Variants in C10orf90 observed in about 807,000 individuals in gnomAD.
C10orf90 encodes (E2-independent) E3 ubiquitin-conjugating enzyme FATS.
Under a neutral mutation model 62.5 loss-of-function variants are expected in C10orf90, and 56 were observed. That is an observed-to-expected ratio of 0.90 (90% CI 0.72 to 1.12). C10orf90 has a LOEUF of 1.12. C10orf90 is among the 50% of genes most tolerant of loss of function. The probability of loss-of-function intolerance (pLI) is 0.00; values close to 1 mark genes in which losing one functional copy is unlikely to be tolerated. For missense variants in C10orf90, 970 were observed against 880.4 expected (o/e 1.10, Z -1.29); for synonymous variants, 386 against 340.4 (o/e 1.13, Z -1.47).
chr10:126,441,193 A>G (rs1268662211), intron 7 of C10orf90, among the ~76,000 whole-genome samples: 1 of 152,206 alleles, frequency 6.6e-6, no homozygotes, highest in Non-Finnish European at 1.5e-5. Context: ...AGAAAAAACA[A>G]TCAACACTTC....
intron 4 of C10orf90, among the ~76,000 whole-genome samples, chr10:126,497,576 A>T (rs1161615794): frequency 1.3e-5 from 2 of 152,278 alleles, no homozygotes; most frequent in South Asian, 2.1e-4. Flanking sequence ...TCACAAGATG[A>T]TCTTGTCCAC....
At chr10:126,432,805 C>A (rs1857667193) in intron 7 of C10orf90, among the ~76,000 whole-genome samples, 1 of 152,220 alleles carries the variant, frequency 6.6e-6, no homozygotes, top group African/African-American at 2.4e-5. Flanking sequence ...GGAATCTCAA[C>A]CAAAGTCTCC....
chr10:126,467,858 C>T (rs979424733), intron 4 of C10orf90, among the ~76,000 whole-genome samples: 20 of 152,082 alleles, frequency 1.3e-4, no homozygotes, highest in Admixed American at 6.5e-4. Flanking sequence ...AACAGAGCAC[C>T]CACAAAGTTA....
chr10:126,434,804 C>T (rs1857813411), intron 7 of C10orf90, among the ~76,000 whole-genome samples: 1 of 152,216 alleles, frequency 6.6e-6, no homozygotes, highest in African/African-American at 2.4e-5. Flanking sequence ...GTAATTCCAT[C>T]ACGGTTCTCA....
intron 1 of C10orf90, among the ~76,000 whole-genome samples, chr10:126,657,311 C>T (rs1001936750): frequency 2.6e-5 from 4 of 152,188 alleles, no homozygotes; most frequent in Admixed American, 6.5e-5. Context: ...TGATAATTCC[C>T]CATTCCTCCT....
chr10:126,451,712 A>T (rs1186530221), intron 7 of C10orf90, among the ~76,000 whole-genome samples: 2 of 152,110 alleles, frequency 1.3e-5, no homozygotes, highest in Non-Finnish European at 2.9e-5. Context: ...ATATACACAC[A>T]CATACATACA....
Position 126,634,621 on chromosome 10 carries a change from A to G in C10orf90, c.313+11944T>C, listed in dbSNP as rs934720721. On this transcript the variant is annotated intron_variant, in intron 2 of 9. Coordinates refer to ENST00000488181, the MANE Select transcript of C10orf90 (RefSeq NM_001350921.2). Reference sequence around the variant, plus strand: ...AAAATCTACTAAGAGGGTAAATCTCATGTTAAGTATCCTTAGAGCACAATA... The same window carrying G: ...AAAATCTACTAAGAGGGTAAATCTCGTGTTAAGTATCCTTAGAGCACAATA... Among the ~76,000 whole-genome samples the G allele has an allele frequency of 3.3e-5, 5 of 152,214 alleles. 1 individual carries two copies. Among genetic ancestry groups the G allele is most frequent in the Admixed American group, 2.0e-4 (3 of 15,284 alleles).
intron 2 of C10orf90, chr10:126,519,989 T>G (rs1431950972): frequency 3.9e-5 from 6 of 152,240 alleles, no homozygotes; most frequent in Admixed American, 3.9e-4. Context: ...TCTCTGTCCT[T>G]TCTTCCTCCT....
chr10:126,662,839 C>T (rs1846545238), intron 1 of C10orf90, among the ~76,000 whole-genome samples: 1 of 148,656 alleles, frequency 6.7e-6, no homozygotes, highest in Admixed American at 6.7e-5. Context: ...TGTGTAGACA[C>T]CCTGGCCTGG....
intron 2 of C10orf90, among the ~76,000 whole-genome samples, chr10:126,515,616 C>A (rs1863398629): frequency 6.6e-6 from 1 of 152,208 alleles, no homozygotes; most frequent in East Asian, 1.9e-4. Flanking sequence ...AAGGTTCACA[C>A]ACCAACAAAA....
At chr10:126,497,684 C>T (rs571055498) in intron 4 of C10orf90, among the ~76,000 whole-genome samples, 325 of 152,328 alleles carry the variant, frequency 2.1e-3, no homozygotes, top group Non-Finnish European at 3.9e-3. Context: ...GGGGGTCACA[C>T]ATTTCTTCAG....
chr10:126,469,476 T>C (rs1411661477), intron 4 of C10orf90, among the ~76,000 whole-genome samples: 1 of 152,190 alleles, frequency 6.6e-6, no homozygotes, highest in Non-Finnish European at 1.5e-5. Context: ...GCTGATGTTC[T>C]GGGCGGTGAC....
intron 4 of C10orf90, among the ~76,000 whole-genome samples, chr10:126,476,552 T>A (rs1390407127): frequency 1.3e-5 from 2 of 152,206 alleles, no homozygotes; most frequent in Admixed American, 6.5e-5. Context: ...CCGTCTCCTG[T>A]GACTGCGAGG....
chr10:126,529,172 A>G (rs1300673250), intron 2 of C10orf90, among the ~76,000 whole-genome samples: 1 of 152,238 alleles, frequency 6.6e-6, no homozygotes, highest in Non-Finnish European at 1.5e-5. Context: ...CCATTATTTT[A>G]AAAACCAAAA....
chr10:126,448,264 T>C (rs1053911696), intron 7 of C10orf90, among the ~76,000 whole-genome samples: 1 of 151,882 alleles, frequency 6.6e-6, no homozygotes, highest in Non-Finnish European at 1.5e-5. Flanking sequence ...TTACACAACA[T>C]GCTCCTGAAC....
chr10:126,640,928 A>G (rs1846047016), intron 2 of C10orf90, among the ~76,000 whole-genome samples: 1 of 152,198 alleles, frequency 6.6e-6, no homozygotes, highest in Non-Finnish European at 1.5e-5. Context: ...AAATTGTTGA[A>G]TACATGGCTT....
intron 2 of C10orf90, among the ~76,000 whole-genome samples, chr10:126,525,564 G>C (rs1444105120): frequency 6.6e-6 from 1 of 152,136 alleles, no homozygotes; most frequent in Non-Finnish European, 1.5e-5. Flanking sequence ...GGCAGCATGT[G>C]AAAGCCCAAG....
In C10orf90 at chr10:126,645,404, CCAAACAAACAAA is replaced by C. The variant is rs148448748; in HGVS notation, c.313+1149_313+1160del. Among the ~76,000 whole-genome samples, 277 of 146,384 alleles carry C rather than the reference CCAAACAAACAAA, an allele frequency of 1.9e-3. 2 individuals carry two copies. Among genetic ancestry groups the C allele is most frequent in the South Asian group, 0.013 (59 of 4,434 alleles). On this transcript the variant is annotated intron_variant, in intron 2 of 9. Coordinates refer to ENST00000488181, the MANE Select transcript of C10orf90 (RefSeq NM_001350921.2). ...GCAACATGGCAAGATCCCCTCTCTACCAAACAAACAAACAAACAAACAAACAAACAAAACAAC... is the reference window on the plus strand; with the variant it reads ...GCAACATGGCAAGATCCCCTCTCTACCAAACAAACAAACAAACAAAACAAC...
At chr10:126,470,799 A>C (rs1275064837) in intron 4 of C10orf90, among the ~76,000 whole-genome samples, 1 of 151,922 alleles carries the variant, frequency 6.6e-6, no homozygotes, top group Non-Finnish European at 1.5e-5. Context: ...AGAAAGAGAG[A>C]GAAGAAAAGA....
Sources: allele counts gnomAD v4.1 joint callset (sites outside exome capture counted in the v4.1 genomes callset), GRCh38; gene constraint gnomAD v4.1.1; transcripts MANE v1.5; gene names NCBI Gene and HGNC (gene_info 2026-07-23, HGNC 2026-07-21).